The following ARHGEF28 variants were observed in gnomAD, a reference collection of about 807,000 sequenced individuals.
The protein encoded by ARHGEF28 is 190 kDa guanine nucleotide exchange factor.
A neutral mutation model predicts 206.6 loss-of-function variants in ARHGEF28; 152 were observed. The observed-to-expected ratio is 0.74, with a 90% confidence interval of 0.64 to 0.84. The LOEUF (loss-of-function observed/expected upper bound fraction) is 0.84, where lower values mean the gene tolerates loss of function less well. ARHGEF28 is among the 40% of genes least tolerant of loss of function. The pLI, the probability that ARHGEF28 is intolerant of heterozygous loss-of-function variation, is 0.00. For synonymous variants in ARHGEF28, 763 were observed against 776.4 expected (o/e 0.98, Z 0.29); for missense variants, 2,028 against 2,073.2 (o/e 0.98, Z 0.42).
chr5:73,918,994 T>C (rs1246080665), intron 35 of ARHGEF28, among the ~76,000 whole-genome samples: 1 of 152,188 alleles, frequency 6.6e-6, no homozygotes, highest in Non-Finnish European at 1.5e-5. Context: ...CTGGACTTGA[T>C]ATAAGAGAAC....
chr5:73,885,058 T>C (rs1416564589), intron 24 of ARHGEF28, among the ~76,000 whole-genome samples: 1 of 152,172 alleles, frequency 6.6e-6, no homozygotes, highest in Non-Finnish European at 1.5e-5. Context: ...ATTATAATAG[T>C]AATATATTCA....
chr5:73,866,464 T>G (rs1037737219), intron 18 of ARHGEF28, among the ~76,000 whole-genome samples: 11 of 152,258 alleles, frequency 7.2e-5, no homozygotes, highest in Non-Finnish European at 1.5e-4. Context: ...ATCGCCATGT[T>G]TGATGGAAAA....
intron 22 of ARHGEF28, among the ~76,000 whole-genome samples, chr5:73,878,884 A>T (rs1659068204): frequency 6.6e-6 from 1 of 151,812 alleles, no homozygotes; most frequent in African/African-American, 2.4e-5. Context: ...AACTTTGGTG[A>T]ATCTGACAAT....
chr5:73,911,169 C>A, intron 34 of ARHGEF28, 106 bp from the exon 35 acceptor site: 1 of 1,189,690 alleles, frequency 8.4e-7, no homozygotes, highest in Non-Finnish European at 1.2e-6. Context: ...CTTGACCTCA[C>A]TTTTACTGAA....
intron 10 of ARHGEF28, among the ~76,000 whole-genome samples, chr5:73,834,775 G>T (rs1463744760): frequency 6.6e-6 from 1 of 152,108 alleles, no homozygotes; most frequent in African/African-American, 2.4e-5. Context: ...TAGATTTGTA[G>T]CTTAGGAGAA....
chr5:73,699,427 A>T (rs770667524), intron 2 of ARHGEF28, among the ~76,000 whole-genome samples: 1 of 151,906 alleles, frequency 6.6e-6, no homozygotes, highest in Admixed American at 6.6e-5. Flanking sequence ...GGAGAGAGAG[A>T]TTGATTTAGG....
chr5:73,771,366 G>A (rs188768677), intron 4 of ARHGEF28, among the ~76,000 whole-genome samples: 205 of 152,234 alleles, frequency 1.3e-3, no homozygotes, highest in Non-Finnish European at 2.6e-3. Context: ...TGGCCAACAT[G>A]GTGAAAACCT....
chr5:73,753,322 C>T (rs1170061163), intron 4 of ARHGEF28, 120 bp downstream of exon 4: 3 of 1,121,368 alleles, frequency 2.7e-6, no homozygotes, highest in Non-Finnish European at 3.6e-6. Flanking sequence ...CTGAACCTTG[C>T]TCTGATGTGG....
intron 1 of ARHGEF28, among the ~76,000 whole-genome samples, chr5:73,665,294 C>G (rs1004729108): frequency 6.6e-6 from 1 of 152,128 alleles, no homozygotes; most frequent in Non-Finnish European, 1.5e-5. Flanking sequence ...GGTTCCCATC[C>G]TTCTCTCCTA....
At chr5:73,690,637 G>T (rs1363212854) in intron 2 of ARHGEF28, among the ~76,000 whole-genome samples, 1 of 151,508 alleles carries the variant, frequency 6.6e-6, no homozygotes, top group Non-Finnish European at 1.5e-5. Context: ...GTTCAAGGCT[G>T]CAGTGAGCTG....
chr5:73,889,151 T>C (rs1384430210), intron 26 of ARHGEF28, among the ~76,000 whole-genome samples: 1 of 152,240 alleles, frequency 6.6e-6, no homozygotes, highest in South Asian at 2.1e-4. Context: ...TACAGATATC[T>C]GGATTTCCTA....
chr5:73,647,479 T>C (rs1744508395), intron 1 of ARHGEF28, among the ~76,000 whole-genome samples: 1 of 152,258 alleles, frequency 6.6e-6, no homozygotes, highest in Non-Finnish European at 1.5e-5. Context: ...ATGTAGTCTT[T>C]AGCTTAGCGC....
intron 4 of ARHGEF28, among the ~76,000 whole-genome samples, chr5:73,754,387 C>A (rs1382118160): frequency 6.6e-6 from 1 of 152,064 alleles, no homozygotes; most frequent in African/African-American, 2.4e-5. Context: ...CAGCACCGAG[C>A]CATGCCTGAA....
At chr5:73,776,284 G>A (rs1753536829) in intron 5 of ARHGEF28, among the ~76,000 whole-genome samples, 1 of 152,148 alleles carries the variant, frequency 6.6e-6, no homozygotes, top group African/African-American at 2.4e-5. Flanking sequence ...AACCTTTAAA[G>A]TATGTAGTAT....
chr5:73,851,362 C>G (rs952319056), intron 13 of ARHGEF28, among the ~76,000 whole-genome samples: 1 of 150,738 alleles, frequency 6.6e-6, no homozygotes, highest in East Asian at 1.9e-4. Flanking sequence ...GTTCTGTCTT[C>G]CTTGTCACTT....
chr5:73,834,204 T>C (rs1056766591), intron 10 of ARHGEF28, among the ~76,000 whole-genome samples: 1 of 152,226 alleles, frequency 6.6e-6, no homozygotes. Context: ...GTAGTGAGAA[T>C]ACTTAAGATC....
At chr5:73,844,208 A>G (rs913115183) in intron 11 of ARHGEF28, among the ~76,000 whole-genome samples, 3 of 152,216 alleles carry the variant, frequency 2.0e-5, no homozygotes, top group Admixed American at 1.3e-4. Context: ...TGATACTTCT[A>G]GGATGTATTC....
intron 10 of ARHGEF28, among the ~76,000 whole-genome samples, chr5:73,838,357 T>A (rs1757788235): frequency 6.6e-6 from 1 of 152,136 alleles, no homozygotes; most frequent in African/African-American, 2.4e-5. Flanking sequence ...TATCTGAAAA[T>A]AATCTTATCT....
intron 2 of ARHGEF28, among the ~76,000 whole-genome samples, chr5:73,696,592 A>G (rs377516724): frequency 2.0e-5 from 3 of 152,336 alleles, no homozygotes; most frequent in African/African-American, 7.2e-5. Flanking sequence ...ACATTCAATT[A>G]AAATTTGTAA....
Sources: allele counts gnomAD v4.1 joint callset (sites outside exome capture counted in the v4.1 genomes callset), GRCh38; gene constraint gnomAD v4.1.1; transcripts MANE v1.5; gene names NCBI Gene and HGNC (gene_info 2026-07-23, HGNC 2026-07-21).